Variants in GATM observed in about 807,000 individuals in gnomAD.
GATM encodes glycine amidinotransferase, mitochondrial.
Under a neutral mutation model 54.2 loss-of-function variants are expected in GATM, and 23 were observed. The observed-to-expected ratio is 0.42, with a 90% confidence interval of 0.31 to 0.60. The LOEUF (loss-of-function observed/expected upper bound fraction) is 0.60, where lower values mean the gene tolerates loss of function less well. GATM is among the 20% of genes least tolerant of loss of function. The pLI is 0.14. For synonymous variants in GATM, 168 were observed against 183.1 expected (o/e 0.92, Z 0.67); for missense variants, 401 against 544.9 (o/e 0.74, Z 2.63).
chr15:45,379,925 T>C (rs1889713100), upstream of GATM: 1 of 151,562 alleles, frequency 6.6e-6, no homozygotes, highest in Non-Finnish European at 1.5e-5. Context: ...ATCAAGACCA[T>C]CCTGGCTAAC....
At chr15:45,378,566 G>T, upstream of GATM, 1 of 802,214 alleles carries the variant, frequency 1.2e-6, no homozygotes, top group Non-Finnish European at 1.8e-6. Flanking sequence ...CGGGGCCCGA[G>T]GCCTTTTGTA....
upstream of GATM, among the ~76,000 whole-genome samples, chr15:45,382,131 A>C (rs79302149): frequency 5.0e-4 from 76 of 152,264 alleles, no homozygotes; most frequent in Non-Finnish European, 6.9e-4. Flanking sequence ...GAGTCTGTTC[A>C]TCCAGATCTA....
At chr15:45,365,602 C>T (rs548679260) in intron 6 of GATM, among the ~76,000 whole-genome samples, 48 of 152,294 alleles carry the variant, frequency 3.2e-4, no homozygotes, top group African/African-American at 1.1e-3. Context: ...AGTGCAGTGG[C>T]TTCACTTTTC....
chr15:45,373,482 G>A (rs954480717), intron 2 of GATM, among the ~76,000 whole-genome samples: 3 of 151,594 alleles, frequency 2.0e-5, no homozygotes, highest in Non-Finnish European at 2.9e-5. Context: ...CAGCCTGGGC[G>A]AGACAGCGAG....
At chr15:45,375,912 T>C in intron 2 of GATM, among the ~76,000 whole-genome samples, 1 of 151,988 alleles carries the variant, frequency 6.6e-6, no homozygotes. Context: ...TGAGTAGGAG[T>C]GACCAGTTAG....
intron 1 of GATM, chr15:45,377,038 A>G (rs1442761642): frequency 8.5e-6 from 5 of 585,952 alleles, no homozygotes; most frequent in African/African-American, 7.5e-5. Context: ...CTTATCTATT[A>G]ATTGCTGTAA....
intron 3 of GATM, among the ~76,000 whole-genome samples, chr15:45,394,380 G>A (rs1167310416): frequency 1.3e-5 from 2 of 152,082 alleles, no homozygotes; most frequent in South Asian, 2.1e-4. Context: ...CCACAAAATC[G>A]GTCTCTGGTG....
chr15:45,383,687 C>T (rs1160756107), intron 3 of GATM, among the ~76,000 whole-genome samples: 2 of 151,828 alleles, frequency 1.3e-5, no homozygotes, highest in Admixed American at 6.6e-5. Flanking sequence ...CTCCGCCTCC[C>T]GGGTTAAAGC....
rs1228472477 is a variant in GATM at position 45,375,147 on chromosome 15, G to A, written c.288+1454C>T. 2.6e-5 allele frequency among the ~76,000 whole-genome samples: 4 copies of A among 152,042 alleles called. No homozygotes were observed. In the East Asian group the frequency reaches 5.8e-4, roughly 22 times the overall value. On this transcript the variant is annotated intron_variant, in intron 2 of 8. Coordinates refer to ENST00000396659, the MANE Select transcript of GATM (RefSeq NM_001482.3). ...GTGTAATGGCGCCATCTCAGCTCAC[G>A]GCAACCTCTGCCTCCTGGGTTCATG...
In GATM at chr15:45,368,062, G is replaced by T. The variant is rs1231399078; in HGVS notation, c.675+8C>A. 4 of 1,612,966 alleles carry T rather than the reference G, an allele frequency of 2.5e-6. No homozygotes were observed. Among genetic ancestry groups the T allele is most frequent in the Non-Finnish European group, 3.4e-6 (4 of 1,179,306 alleles). Reference sequence around the variant, plus strand: ...TAGTAATAAGCTAGCCTATAATTAGGGACTCACCTGGTTATAAAGCTCATC... The same window carrying T: ...TAGTAATAAGCTAGCCTATAATTAGTGACTCACCTGGTTATAAAGCTCATC... On this transcript the variant is annotated splice_region_variant and intron_variant, in intron 4 of 8. Coordinates refer to ENST00000396659, the MANE Select transcript of GATM (RefSeq NM_001482.3). The surrounding 1 kb of genome is among the most constrained non-coding windows in gnomAD (Gnocchi z 5.1).
chr15:45,366,366 T>G lies in GATM; in HGVS notation c.813+5A>C. On this transcript the variant is annotated splice_donor_5th_base_variant and intron_variant, in intron 5 of 8. Transcript: ENST00000396659. ...TGTGAAATTTCAGAGGCAGCCTGCGTTCACCTGGCTTCTCTGTGCAAAAAT... is the reference window on the plus strand; with the variant it reads ...TGTGAAATTTCAGAGGCAGCCTGCGGTCACCTGGCTTCTCTGTGCAAAAAT... 6.2e-7 allele frequency: 1 copy of G among 1,614,154 alleles called. No individual in the cohort carries two copies. Among genetic ancestry groups the G allele is most frequent in the South Asian group, 1.1e-5 (1 of 91,084 alleles).
At chr15:45,386,880 C>T (rs1050417530) in intron 3 of GATM, among the ~76,000 whole-genome samples, 10 of 152,240 alleles carry the variant, frequency 6.6e-5, no homozygotes, top group African/African-American at 2.2e-4. Context: ...GTTCTCCCTG[C>T]TAAAGAAAGG....
At chr15:45,378,641 G>C (rs1889690039), upstream of GATM, 2 of 461,034 alleles carry the variant, frequency 4.3e-6, no homozygotes, top group African/African-American at 4.2e-5. Context: ...GGTGGGGCCG[G>C]CGTAGCGCCC....
Position 45,364,778 on chromosome 15 carries a change from T to G in GATM, c.1042+19A>C. On this transcript the variant is annotated intron_variant, in intron 7 of 8. Coordinates refer to ENST00000396659, the MANE Select transcript of GATM (RefSeq NM_001482.3). ...TAAAGTAATTATTTTAGTCTAACAGTGTATGAAAGTAAACATACCGTCTGG... is the reference window on the plus strand; with the variant it reads ...TAAAGTAATTATTTTAGTCTAACAGGGTATGAAAGTAAACATACCGTCTGG... 6.3e-7 allele frequency: 1 copy of G among 1,598,782 alleles called. No homozygotes were observed. The highest frequency in any genetic ancestry group is 8.6e-7 in the Non-Finnish European group (1 of 1,166,138).
intron 6 of GATM, 23 bp from the exon 7 acceptor site, chr15:45,364,883 CA>C (rs569426092): frequency 6.2e-7 from 1 of 1,605,598 alleles, no homozygotes; most frequent in South Asian, 1.1e-5. Context: ...AAAAAACCCC[CA>C]AAACCGTTAA....
At chr15:45,376,000 T>G (rs1051425423) in intron 2 of GATM, among the ~76,000 whole-genome samples, 2 of 152,180 alleles carry the variant, frequency 1.3e-5, no homozygotes, top group Non-Finnish European at 2.9e-5. Context: ...TGAGGCAAGA[T>G]TCATTTTTGA....
intron 7 of GATM, chr15:45,364,372 T>TA (rs1196366513): frequency 3.5e-4 from 103 of 294,004 alleles, no homozygotes; most frequent in Middle Eastern, 1.1e-3. Flanking sequence ...TCTCTACAAA[T>TA]AAAAAAAAAT....
At chr15:45,366,261 A>C (rs1315746233) in intron 5 of GATM, 51 bp from the exon 6 acceptor site, 1 of 1,610,820 alleles carries the variant, frequency 6.2e-7, no homozygotes, top group South Asian at 1.1e-5. Context: ...TTCTATGTCT[A>C]GAAAACTAAA....
chr15:45,383,144 C>G (rs887070191), upstream of GATM, among the ~76,000 whole-genome samples: 2 of 152,186 alleles, frequency 1.3e-5, no homozygotes, highest in African/African-American at 2.4e-5. Flanking sequence ...ATGGCCCAGG[C>G]TAGAATAACC....
Sources: allele counts gnomAD v4.1 joint callset (sites outside exome capture counted in the v4.1 genomes callset), GRCh38; gene constraint gnomAD v4.1.1; non-coding constraint Gnocchi (gnomAD v3.1); transcripts MANE v1.5; gene names NCBI Gene and HGNC (gene_info 2026-07-23, HGNC 2026-07-21).